INTS10: variants seen among roughly 807,000 people sequenced by gnomAD.
INTS10 encodes the protein chromosome 8 open reading frame 35.
Under a neutral mutation model 94.4 loss-of-function variants are expected in INTS10, and 44 were observed. The ratio of observed to expected loss-of-function variants is 0.47; its 90% confidence interval spans 0.37 to 0.60. The LOEUF (loss-of-function observed/expected upper bound fraction) is 0.60. Ranked by LOEUF, INTS10 falls within the 20% of genes least tolerant of loss-of-function variation. The pLI is 0.00. For synonymous variants in INTS10, 341 were observed against 320.7 expected, an observed-to-expected ratio of 1.06 and a Z score of -0.68; for missense variants, 797 against 868.7, an observed-to-expected ratio of 0.92 and a Z score of 1.04.
At chr8:19,825,063 TCCG>T in intron 8 of INTS10, 91 bp downstream of exon 8, 3 of 1,103,026 alleles carry the variant, frequency 2.7e-6, no homozygotes, top group Non-Finnish European at 4.1e-6. Flanking sequence ...TATTGCTGGA[TCCG>T]AATAACTGTG....
chr8:19,834,062 G>A (rs924881666), intron 12 of INTS10, among the ~76,000 whole-genome samples: 9 of 152,000 alleles, frequency 5.9e-5, no homozygotes, highest in Non-Finnish European at 1.2e-4. Flanking sequence ...ATAAATGGGT[G>A]TGTTTCCTCC....
chr8:19,833,612 C>T (rs1166773815), intron 12 of INTS10, among the ~76,000 whole-genome samples: 2 of 151,960 alleles, frequency 1.3e-5, no homozygotes, highest in African/African-American at 2.4e-5. Flanking sequence ...ATTATTATTA[C>T]ACTCTTGTCT....
rs918967250 is a variant in INTS10, at chr8:19,846,019, T to G, written c.1976+222T>G. 4.5e-6 allele frequency: 2 copies of G among 445,526 alleles called. No individual in the cohort carries two copies. The highest frequency in any genetic ancestry group is 8.1e-6 in the Non-Finnish European group (2 of 245,926). 27.6% of individuals were successfully genotyped at this position (445,526 alleles called of 1,614,324 possible). On this transcript the variant is annotated intron_variant, in intron 16 of 16. Transcript: ENST00000397977. This position sits in a 1 kb window ranked among gnomAD's most constrained non-coding sequence, Gnocchi z 4.2. ...TTAAATTGGGGTATTTTTGTCACATTTGCAACTTTTTCACTAGACAAAAGT... is the reference window on the plus strand; with the variant it reads ...TTAAATTGGGGTATTTTTGTCACATGTGCAACTTTTTCACTAGACAAAAGT...
In INTS10 at chr8:19,820,354, T is replaced by G. The variant is rs950466415; in HGVS notation, c.302-25T>G. On this transcript the variant is annotated intron_variant, in intron 3 of 16. Transcript: ENST00000397977. ...GTCTTTTCTGTCCGCAAGAAACTTT[T>G]AAAAGTGAAATATGTTTCGTACAGG... is the stretch of plus-strand genomic sequence containing the variant. 14 of 1,591,016 alleles carry G rather than the reference T, an allele frequency of 8.8e-6. No individual in the cohort carries two copies. In the African/African-American group the frequency reaches 1.8e-4, roughly 20 times the overall value.
chr8:19,832,247 T>A, intron 11 of INTS10, 137 bp downstream of exon 11: 1 of 621,842 alleles, frequency 1.6e-6, no homozygotes, highest in Non-Finnish European at 2.9e-6. Context: ...CTGTTTTCAG[T>A]GGCTGAGGGG....
intron 16 of INTS10, among the ~76,000 whole-genome samples, chr8:19,850,787 C>A (rs1029624291): frequency 6.6e-6 from 1 of 152,100 alleles, no homozygotes; most frequent in African/African-American, 2.4e-5. Context: ...CTAGATTTTT[C>A]TTTTCGTTTC....
intron 4 of INTS10, chr8:19,821,075 C>T (rs956589476): frequency 6.7e-6 from 1 of 148,976 alleles, no homozygotes; most frequent in African/African-American, 2.5e-5. Context: ...GGTTTCAAAC[C>T]ATTCACTCCA....
Position 19,844,218 on chromosome 8 carries a change from A to T in INTS10, c.1862A>T (p.Asn621Ile). The T allele has an allele frequency of 6.2e-7, 1 of 1,610,928 alleles. No homozygotes were observed. Among genetic ancestry groups the T allele is most frequent in the Non-Finnish European group, 8.5e-7 (1 of 1,177,374 alleles). ...CAACAAGGAAATTTCCAATATGAGA[A>T]TTTTTTCAATTACGTTACAAGTATC... ...ICQQGNFQYE[N>I]FFNYVTNIDM... Residue 621 changes from asparagine to isoleucine, a missense_variant, in exon 15 of 17, where the codon AAT (asparagine) becomes ATT (isoleucine). Coordinates refer to ENST00000397977, the MANE Select transcript of INTS10 (RefSeq NM_018142.4).
At chr8:19,836,724 A>T (rs1447512295) in intron 12 of INTS10, among the ~76,000 whole-genome samples, 1 of 152,224 alleles carries the variant, frequency 6.6e-6, no homozygotes, top group Admixed American at 6.5e-5. Context: ...GTTAGTCAGT[A>T]TCTTTCAGGC....
intron 13 of INTS10, chr8:19,841,770 C>A (rs752921377): frequency 8.9e-6 from 4 of 449,736 alleles, no homozygotes; most frequent in Non-Finnish European, 1.8e-5. Flanking sequence ...ATGTACCTCG[C>A]GTCCTAGTTG....
Position 19,849,696 on chromosome 8 carries a change from T to A in INTS10, c.1977-1953T>A, listed in dbSNP as rs184090636. On this transcript the variant is annotated intron_variant, in intron 16 of 16. Transcript: ENST00000397977. The surrounding 1 kb of genome is among the most constrained non-coding windows in gnomAD (Gnocchi z 4.6). ...TATCTAAATAGGCACTAATGTGTTT[T>A]TTTTCCTGCTACTGATGTTTTTTCA... Among the ~76,000 whole-genome samples, 1 of 152,324 alleles carries A rather than the reference T, an allele frequency of 6.6e-6. No homozygotes were observed. Among genetic ancestry groups the A allele is most frequent in the African/African-American group, 2.4e-5 (1 of 41,572 alleles).
At chr8:19,845,819 CT>C (rs1239187192) in intron 16 of INTS10, 22 bp downstream of exon 16, 1 of 1,531,136 alleles carries the variant, frequency 6.5e-7, no homozygotes, top group Admixed American at 1.7e-5. Flanking sequence ...CTCTTTTGCT[CT>C]TCCATGCTGA....
intron 2 of INTS10, among the ~76,000 whole-genome samples, chr8:19,819,143 TTTAG>T (rs1232077668): frequency 6.6e-6 from 1 of 152,224 alleles, no homozygotes; most frequent in Non-Finnish European, 1.5e-5. Context: ...TTAGTCTCTT[TTTAG>T]TTCTTGTCAC....
intron 2 of INTS10, 102 bp downstream of exon 2, chr8:19,818,444 T>C: frequency 8.3e-7 from 1 of 1,202,198 alleles, no homozygotes; most frequent in East Asian, 2.4e-5. Context: ...TTCAAGTTCA[T>C]CTATATCTTC....
At chr8:19,823,825 C>A in intron 6 of INTS10, 48 bp from the exon 7 acceptor site, 1 of 1,448,792 alleles carries the variant, frequency 6.9e-7, no homozygotes. Context: ...ACCATGTCAA[C>A]AGTAAGTCAT....
At chr8:19,818,569 T>C (rs2066122790) in intron 2 of INTS10, 2 of 546,848 alleles carry the variant, frequency 3.7e-6, no homozygotes, top group African/African-American at 3.8e-5. Context: ...AACTTCTGTT[T>C]CATAATTTAT....
At position 19,846,359 on chromosome 8, in the gene INTS10, G is replaced by T. The variant is rs576386053; in HGVS notation, c.1976+562G>T. On this transcript the variant is annotated intron_variant, in intron 16 of 16. Transcript: ENST00000397977. This position sits in a 1 kb window ranked among gnomAD's most constrained non-coding sequence, Gnocchi z 4.2. ...GAGGCAGGAGAACCGCTTGAACCCA[G>T]GAGGTGGAGGTTGCAGTGAGCCGAG... Among the ~76,000 whole-genome samples, 2 of 152,136 alleles carry T rather than the reference G, an allele frequency of 1.3e-5. No individual in the cohort carries two copies. The highest frequency in any genetic ancestry group is 1.5e-5 in the Non-Finnish European group (1 of 67,988).
intron 13 of INTS10, among the ~76,000 whole-genome samples, chr8:19,840,741 A>G (rs929458160): frequency 6.6e-6 from 1 of 152,098 alleles, no homozygotes; most frequent in African/African-American, 2.4e-5. Context: ...TTCTATAACA[A>G]ATGGTCAAAA....
In INTS10 at chr8:19,822,535, A is replaced by G. The variant is rs1458966643; in HGVS notation, c.523+15A>G. 6.9e-7 allele frequency: 1 copy of G among 1,440,278 alleles called. No individual in the cohort carries two copies. The highest frequency in any genetic ancestry group is 9.8e-7 in the Non-Finnish European group (1 of 1,023,932). The allele number at this position is 1,440,278 out of a possible 1,614,324, so 89.2% of individuals were successfully genotyped here. A position where few individuals can be genotyped will look rare whatever the true frequency, so the allele number is the denominator to read the frequency against. On this transcript the variant is annotated intron_variant, in intron 5 of 16. Transcript: ENST00000397977. ...AAAATTATTTGGTAAGGAAAATTGTATTCTCTATTACTTCTATGGTAAATT... is the reference window on the plus strand; with the variant it reads ...AAAATTATTTGGTAAGGAAAATTGTGTTCTCTATTACTTCTATGGTAAATT...
Sources: gnomAD v4.1 joint callset for allele counts (sites outside exome capture counted in the v4.1 genomes callset) on GRCh38, gnomAD v4.1.1 for gene constraint, Gnocchi (gnomAD v3.1) non-coding constraint, MANE v1.5 for transcripts, NCBI Gene and HGNC (gene_info 2026-07-23, HGNC 2026-07-21) for gene names.